ARID4B: variants seen among roughly 807,000 people sequenced by gnomAD.
The protein encoded by ARID4B is AT-rich interaction domain 4B.
A neutral mutation model predicts 147.5 loss-of-function variants in ARID4B; 26 were observed. The observed-to-expected ratio is 0.18, with a 90% CI of 0.13 to 0.24. The LOEUF (loss-of-function observed/expected upper bound fraction) is 0.24, where lower values mean the gene tolerates loss of function less well. Ranked by LOEUF, ARID4B falls within the 10% of genes least tolerant of loss-of-function variation. The pLI is 1.00. For synonymous variants in ARID4B, 512 were observed against 507.9 expected (o/e 1.01, Z -0.11); for missense variants, 1,179 against 1,511.5 (o/e 0.78, Z 3.65).
chr1:235,180,109 T>A (rs1664200687), intron 20 of ARID4B: 2 of 148,170 alleles, frequency 1.3e-5, no homozygotes, highest in Admixed American at 1.4e-4. Flanking sequence ...CAATAAAACC[T>A]GTTTTTTTCT....
At chr1:235,283,774 T>C (rs758471088) in intron 2 of ARID4B, among the ~76,000 whole-genome samples, 18 of 152,138 alleles carry the variant, frequency 1.2e-4, no homozygotes, top group Non-Finnish European at 2.1e-4. Context: ...AAGACAGTCT[T>C]GCTCCAGCTG....
At position 235,167,124 on chromosome 1, in the gene ARID4B, A is replaced by G. The variant is rs760996959; in HGVS notation, c.*1401T>C. On this transcript the variant is annotated 3_prime_UTR_variant, in exon 24 of 24. Transcript: ENST00000264183. ...TTAGTTACTGTAAGCACACACTACA[A>G]GACTGAAAATGCTTTTCTTAGAAAA... is the stretch of plus-strand genomic sequence containing the variant. 4.6e-5 allele frequency: 9 copies of G among 194,068 alleles called. No homozygotes were observed. Among genetic ancestry groups the G allele is most frequent in the Non-Finnish European group, 8.6e-5 (8 of 92,846 alleles). 12.0% of individuals were successfully genotyped at this position (194,068 alleles called of 1,614,324 possible).
intron 19 of ARID4B, among the ~76,000 whole-genome samples, chr1:235,184,262 T>A (rs570116865): frequency 1.6e-4 from 25 of 152,294 alleles, no homozygotes; most frequent in Admixed American, 1.6e-3. Flanking sequence ...TAAGATAACA[T>A]TTCCTGAGAA....
intron 2 of ARID4B, among the ~76,000 whole-genome samples, chr1:235,280,956 A>G (rs924315752): frequency 1.3e-5 from 2 of 152,204 alleles, no homozygotes; most frequent in African/African-American, 4.8e-5. Context: ...TAAAAACGAA[A>G]AAAAAAGAGT....
At chr1:235,316,647 C>T (rs947606068) in intron 2 of ARID4B, among the ~76,000 whole-genome samples, 5 of 152,004 alleles carry the variant, frequency 3.3e-5, no homozygotes, top group Admixed American at 2.6e-4. Context: ...GGCGAAACCT[C>T]GTCTGTACTA....
At chr1:235,183,134 A>G (rs1664433512) in intron 19 of ARID4B, among the ~76,000 whole-genome samples, 1 of 152,200 alleles carries the variant, frequency 6.6e-6, no homozygotes, top group Non-Finnish European at 1.5e-5. Flanking sequence ...ATATAAGTAT[A>G]ATATTTTTAT....
At chr1:235,173,448 T>A (rs1211456803) in intron 22 of ARID4B, among the ~76,000 whole-genome samples, 5 of 152,128 alleles carry the variant, frequency 3.3e-5, no homozygotes, top group Non-Finnish European at 5.9e-5. Flanking sequence ...GATAAATTTT[T>A]CTCTTCTGTT....
In ARID4B at chr1:235,234,475, A is replaced by G. The variant is rs1461264019; in HGVS notation, c.603T>C (p.Cys201=). ...CCTTTTTTACAGCAATCTCATCACT[A>G]CAATCAGGACAAACCACCTTTTAAG... ...WFPALVVCPD[C]SDEIAVKKDN... Residue 201 remains cysteine, a synonymous_variant, in exon 9 of 24, where the codon TGT becomes TGC. Coordinates refer to ENST00000264183, the MANE Select transcript of ARID4B (RefSeq NM_016374.6). The G allele has an allele frequency of 6.2e-7, 1 of 1,605,358 alleles. No individual in the cohort carries two copies. The highest frequency in any genetic ancestry group is 8.5e-7 in the Non-Finnish European group (1 of 1,173,744).
At chr1:235,317,892 T>C (rs1420921777) in intron 2 of ARID4B, among the ~76,000 whole-genome samples, 2 of 152,134 alleles carry the variant, frequency 1.3e-5, no homozygotes. Flanking sequence ...ACAAAATACA[T>C]GAAGTTAAAT....
At chr1:235,228,995 G>T in intron 11 of ARID4B, 1 of 444,994 alleles carries the variant, frequency 2.2e-6, no homozygotes, top group Non-Finnish European at 3.9e-6. Flanking sequence ...GGAAGACTAA[G>T]ACATGTTTTT....
chr1:235,204,690 T>C (rs952632587), intron 17 of ARID4B, among the ~76,000 whole-genome samples: 1 of 152,196 alleles, frequency 6.6e-6, no homozygotes, highest in African/African-American at 2.4e-5. Flanking sequence ...TAATTGCATA[T>C]TGTAATGCAG....
chr1:235,223,690 T>TTTTTTG (rs1553296103), intron 12 of ARID4B, among the ~76,000 whole-genome samples: 7 of 150,048 alleles, frequency 4.7e-5, no homozygotes, highest in Admixed American at 1.3e-4. Flanking sequence ...GCTACATTTT[T>TTTTTTG]TTTTTTTTTT....
At position 235,196,063 on chromosome 1, in the gene ARID4B, C is replaced by T; in HGVS notation, c.1894G>A (p.Val632Met). The change falls in exon 18 of 24, where the codon GTG (valine) becomes ATG (methionine). Residue 632 changes from valine to methionine, a missense_variant. By Grantham distance (21) the Val-to-Met change is conservative (BLOSUM62 1). Coordinates refer to ENST00000264183, the MANE Select transcript of ARID4B (RefSeq NM_016374.6). ...DKIVRPADKN[V>M]PKIKHRKKIK... is the part of the protein sequence containing the mutation. ...TTCTTCCGATGTTTTATCTTTGGCA[C>T]ATTTTTATCAGCAGGTCTTACTATT... The T allele has an allele frequency of 6.2e-7, 1 of 1,602,152 alleles. No homozygotes were observed. The highest frequency in any genetic ancestry group is 8.5e-7 in the Non-Finnish European group (1 of 1,174,672).
chr1:235,255,259 A>ATCTATCTATC lies in ARID4B; in HGVS notation c.274+400_274+401insGATAGATAGA, dbSNP rs375747308. 4.4e-4 allele frequency among the ~76,000 whole-genome samples: 40 copies of ATCTATCTATC among 91,638 alleles called. 1 individual carries two copies. In the South Asian group the frequency reaches 0.016, roughly 36 times the overall value. 60.1% of individuals were successfully genotyped at this position (91,638 alleles called of 152,430 possible). ...GATAGATAGATAGATAGATAGATAG[A>ATCTATCTATC]TAGATATATATCTCTCTCTCTCTCT... On this transcript the variant is annotated intron_variant, in intron 5 of 23. Transcript: ENST00000264183.
chr1:235,229,592 T>C lies in ARID4B; in HGVS notation c.743-207A>G, dbSNP rs115815772. ...TCCTATGCATTAGGTAGTCATTTTA[T>C]AGATGGCAAAACTGCCACCATTGGA... is the stretch of plus-strand genomic sequence containing the variant. On this transcript the variant is annotated intron_variant, in intron 10 of 23. Transcript: ENST00000264183. 6.5e-3 allele frequency among the ~76,000 whole-genome samples: 988 copies of C among 152,360 alleles called. 7 individuals are homozygous for C. Among genetic ancestry groups the C allele is most frequent in the African/African-American group, 0.022 (913 of 41,572 alleles).
chr1:235,226,944 C>T (rs1489087559), intron 11 of ARID4B, among the ~76,000 whole-genome samples: 1 of 152,198 alleles, frequency 6.6e-6, no homozygotes, highest in Non-Finnish European at 1.5e-5. Context: ...GCTGGGATTA[C>T]AGGCATGACC....
rs1369263794 is a variant in ARID4B at position 235,229,338 on chromosome 1, T to C, written c.790A>G (p.Asn264Asp). The C allele has an allele frequency of 1.2e-6, 2 of 1,613,874 alleles. No homozygotes were observed. Among genetic ancestry groups the C allele is most frequent in the Non-Finnish European group, 8.5e-7 (1 of 1,179,910 alleles). Residue 264 changes from asparagine to aspartate, a missense_variant, in exon 11 of 24, where the codon AAC becomes GAC. Around this residue, in one of 10 missense-constraint regions of ARID4B, gnomAD observed 159 missense variants for 190.5 expected, o/e 0.83. Transcript: ENST00000264183. ...TCTTCTTTCAATTCAGTCTTCCAGT[T>C]AGCAGGAATAGTTCTACTTTTGTGA... ...EFHKSRTIPA[N>D]WKTELKEDSS...
chr1:235,306,814 C>G (rs946055319), intron 2 of ARID4B, among the ~76,000 whole-genome samples: 9 of 152,158 alleles, frequency 5.9e-5, no homozygotes, highest in African/African-American at 2.2e-4. Context: ...CACCACCACA[C>G]CCGGCTAATT....
chr1:235,187,183 G>A (rs567005984), intron 19 of ARID4B: 1 of 264,064 alleles, frequency 3.8e-6, no homozygotes, highest in East Asian at 1.4e-4. Flanking sequence ...GTGGGTTCAA[G>A]TGATTCTCCT....
Sources: gnomAD v4.1 joint callset for allele counts (sites outside exome capture counted in the v4.1 genomes callset) on GRCh38, gnomAD v4.1.1 for gene constraint, gnomAD v4.1.1 regional missense constraint, MANE v1.5 for transcripts, NCBI Gene and HGNC (gene_info 2026-07-23, HGNC 2026-07-21) for gene names.